The following CCDC25 variants were observed in gnomAD, a reference collection of about 807,000 sequenced individuals.
CCDC25 encodes coiled-coil domain containing 25.
In CCDC25, 16 loss-of-function variants were observed where a neutral mutation model predicts 35.3. The observed-to-expected ratio is 0.45, with a 90% CI of 0.31 to 0.69. CCDC25 has a LOEUF of 0.69. Ranked by LOEUF, CCDC25 falls within the 30% of genes least tolerant of loss-of-function variation. The pLI is 0.06. For synonymous variants in CCDC25, 79 were observed against 80.3 expected (o/e 0.98, Z 0.09); for missense variants, 179 against 250.7 (o/e 0.71, Z 1.93).
Position 27,737,230 on chromosome 8 carries a change from G to C in CCDC25, c.598-985C>G, listed in dbSNP as rs997032582. On this transcript the variant is annotated intron_variant, in intron 8 of 8. Coordinates refer to ENST00000356537, the MANE Select transcript of CCDC25 (RefSeq NM_018246.3). This position sits in a 1 kb window ranked among gnomAD's most constrained non-coding sequence, Gnocchi z 4.6. The stretch of plus-strand genomic sequence containing the variant: ...ATAATTGTACAAAGAACAGACTAAT[G>C]ATTGTGTTATATCCAGGCGCAAAGA... Among the ~76,000 whole-genome samples, 27 of 152,158 alleles carry C rather than the reference G, an allele frequency of 1.8e-4. No homozygotes were observed. Among genetic ancestry groups the C allele is most frequent in the African/African-American group, 6.5e-4 (27 of 41,430 alleles).
chr8:27,747,120 A>G (rs1803629598), intron 7 of CCDC25, among the ~76,000 whole-genome samples: 1 of 152,254 alleles, frequency 6.6e-6, no homozygotes, highest in African/African-American at 2.4e-5. Context: ...CTGCGGGTAC[A>G]GCACTGTATG....
chr8:27,763,621 G>C, intron 2 of CCDC25, among the ~76,000 whole-genome samples: 1 of 152,144 alleles, frequency 6.6e-6, no homozygotes, highest in Non-Finnish European at 1.5e-5. Context: ...GGGAGGCTGA[G>C]GTGGGAGAAT....
intron 5 of CCDC25, 67 bp from the exon 6 acceptor site, chr8:27,748,665 T>G (rs1245615735): frequency 8.6e-7 from 1 of 1,159,328 alleles, no homozygotes; most frequent in Non-Finnish European, 1.3e-6. Flanking sequence ...CCTTACCCAC[T>G]GGCAAACTGC....
intron 1 of CCDC25, among the ~76,000 whole-genome samples, chr8:27,771,754 A>G (rs1247488222): frequency 1.3e-5 from 2 of 152,192 alleles, no homozygotes; most frequent in East Asian, 3.8e-4. Context: ...ATAGCTAAGC[A>G]ATCTTGGGGT....
At position 27,740,185 on chromosome 8, in the gene CCDC25, AT is replaced by A. The variant is rs143445572; in HGVS notation, c.597+286del. Among the ~76,000 whole-genome samples the A allele has an allele frequency of 1.2e-3, 184 of 152,338 alleles. 1 individual carries two copies. Among genetic ancestry groups the A allele is most frequent in the African/African-American group, 4.0e-3 (167 of 41,576 alleles). On this transcript the variant is annotated intron_variant, in intron 8 of 8. Coordinates refer to ENST00000356537, the MANE Select transcript of CCDC25 (RefSeq NM_018246.3). ...TGCCTGCAACCAGAAAAGAGGGGAA[AT>A]AAAGAATAAAGTCCTGTAAATATAA...
intron 1 of CCDC25, among the ~76,000 whole-genome samples, chr8:27,767,309 C>T (rs1585377354): frequency 1.3e-5 from 2 of 152,024 alleles, no homozygotes; most frequent in Admixed American, 1.3e-4. Flanking sequence ...GAGGTTGCAG[C>T]GAGCCAAGAT....
chr8:27,772,388 G>A, intron 1 of CCDC25, 125 bp downstream of exon 1: 1 of 906,070 alleles, frequency 1.1e-6, no homozygotes, highest in Non-Finnish European at 1.8e-6. Flanking sequence ...CCGAGAGGCC[G>A]CGGGAAGAGG....
intron 5 of CCDC25, among the ~76,000 whole-genome samples, chr8:27,751,747 C>T (rs1440175427): frequency 6.6e-6 from 1 of 152,198 alleles, no homozygotes; most frequent in African/African-American, 2.4e-5. Context: ...CCTTCTTAAA[C>T]CCCGCCCCTA....
At chr8:27,756,677 C>A in intron 4 of CCDC25, 42 bp downstream of exon 4, 1 of 1,350,910 alleles carries the variant, frequency 7.4e-7, no homozygotes, top group South Asian at 1.2e-5. Context: ...TATGATGCAT[C>A]ATCAGGAGAA....
intron 2 of CCDC25, among the ~76,000 whole-genome samples, chr8:27,763,027 A>G (rs932300122): frequency 6.6e-6 from 1 of 152,202 alleles, no homozygotes; most frequent in Non-Finnish European, 1.5e-5. Context: ...GAACATGGGT[A>G]TTAAGAAGGA....
chr8:27,762,351 G>A, intron 3 of CCDC25, 68 bp downstream of exon 3: 1 of 1,391,502 alleles, frequency 7.2e-7, no homozygotes. Context: ...ATTCTAGTTT[G>A]AATGCTTGGC....
chr8:27,763,615 G>A (rs1175427436), intron 2 of CCDC25, among the ~76,000 whole-genome samples: 1 of 152,176 alleles, frequency 6.6e-6, no homozygotes, highest in African/African-American at 2.4e-5. Context: ...CCACTCGGGA[G>A]GCTGAGGTGG....
chr8:27,738,805 T>C (rs1015545312), intron 8 of CCDC25, among the ~76,000 whole-genome samples: 12 of 152,212 alleles, frequency 7.9e-5, no homozygotes, highest in Non-Finnish European at 1.8e-4. Context: ...AGTTGTGGTA[T>C]GTTGAAGACT....
intron 3 of CCDC25, among the ~76,000 whole-genome samples, chr8:27,758,048 GC>G (rs1804079593): frequency 6.6e-6 from 1 of 152,138 alleles, no homozygotes; most frequent in Admixed American, 6.5e-5. Context: ...TGTATAGCCT[GC>G]CAAACCATGA....
intron 3 of CCDC25, among the ~76,000 whole-genome samples, chr8:27,757,569 T>C (rs1301231057): frequency 6.6e-6 from 1 of 152,204 alleles, no homozygotes; most frequent in African/African-American, 2.4e-5. Context: ...ATCAATTTAA[T>C]TAAACCTTTT....
chr8:27,766,857 C>G (rs773282437), intron 1 of CCDC25, among the ~76,000 whole-genome samples: 1 of 151,810 alleles, frequency 6.6e-6, no homozygotes, highest in Non-Finnish European at 1.5e-5. Context: ...ATTAAATATC[C>G]GAACAGTATT....
rs551572091 is a variant in CCDC25 at position 27,735,745 on chromosome 8, C to T, written c.*471G>A. 86 of 155,004 alleles carry T rather than the reference C, an allele frequency of 5.5e-4. 1 individual carries two copies. The South Asian group carries it at 0.016, about 28-fold the overall frequency. The allele number at this position is 155,004 out of a possible 1,614,324, so 9.6% of individuals were successfully genotyped here. ...TTCTGAAAAATCTCTTTTTCAAAAC[C>T]CATACGCCTAATCGAGAAATCAGGG... On this transcript the variant is annotated 3_prime_UTR_variant, in exon 9 of 9. Coordinates refer to ENST00000356537, the MANE Select transcript of CCDC25 (RefSeq NM_018246.3).
In CCDC25 at chr8:27,740,466, A is replaced by T; in HGVS notation, c.597+6T>A. 1 of 1,612,264 alleles carries T rather than the reference A, an allele frequency of 6.2e-7. No individual in the cohort carries two copies. The highest frequency in any genetic ancestry group is 1.1e-5 in the South Asian group (1 of 90,722). On this transcript the variant is annotated splice_donor_region_variant and intron_variant, in intron 8 of 8. Transcript: ENST00000356537. ...GCAAACATTCATGCAAACCACTTGAACATACCTGATTTGAAGACATATTTT... is the reference window on the plus strand; with the variant it reads ...GCAAACATTCATGCAAACCACTTGATCATACCTGATTTGAAGACATATTTT...
chr8:27,767,208 A>T (rs1220529228), intron 1 of CCDC25, among the ~76,000 whole-genome samples: 1 of 152,114 alleles, frequency 6.6e-6, no homozygotes, highest in Non-Finnish European at 1.5e-5. Flanking sequence ...TCTACTAAAA[A>T]TACAAAAATT....
Sources: allele counts gnomAD v4.1 joint callset (sites outside exome capture counted in the v4.1 genomes callset), GRCh38; gene constraint gnomAD v4.1.1; non-coding constraint Gnocchi (gnomAD v3.1); transcripts MANE v1.5; gene names NCBI Gene and HGNC (gene_info 2026-07-23, HGNC 2026-07-21).